Variants in ADAM28 observed in about 807,000 individuals in gnomAD.
ADAM28 encodes disintegrin and metalloproteinase domain-containing protein 28.
A neutral mutation model predicts 101.2 loss-of-function variants in ADAM28; 105 were observed. The ratio of observed to expected loss-of-function variants is 1.04; its 90% CI spans 0.89 to 1.22. ADAM28 has a LOEUF of 1.22. ADAM28 is among the 50% of genes most tolerant of loss of function. The pLI is 0.00. For synonymous variants in ADAM28, 322 were observed against 310.6 expected (o/e 1.04, Z -0.39); for missense variants, 1,028 against 945.4 (o/e 1.09, Z -1.15).
At chr8:24,332,981 T>C (rs1813553009) in intron 13 of ADAM28, among the ~76,000 whole-genome samples, 1 of 151,896 alleles carries the variant, frequency 6.6e-6, no homozygotes, top group Admixed American at 6.6e-5. Context: ...AAATGCAGAG[T>C]AGAAAATGAA....
chr8:24,307,946 A>G (rs1222595107), intron 2 of ADAM28, among the ~76,000 whole-genome samples: 1 of 151,926 alleles, frequency 6.6e-6, no homozygotes, highest in African/African-American at 2.4e-5. Flanking sequence ...AGAATTAAGA[A>G]CCTCTCTGTG....
Position 24,330,008 on chromosome 8 carries a change from A to G in ADAM28, c.996A>G (p.Arg332=). The change falls in exon 11 of 23, where the codon AGA becomes AGG. Residue 332 remains arginine, a synonymous_variant. Transcript: ENST00000265769. ...AGGACCACAGCGATAATCTTCTTAG[A>G]GTTGCAGGGACAATGGCACATGAAA... ...VVQDHSDNLL[R]VAGTMAHEMG... is the part of the protein sequence containing the mutation. 1 of 1,613,482 alleles carries G rather than the reference A, an allele frequency of 6.2e-7. No homozygotes were observed. Among genetic ancestry groups the G allele is most frequent in the Non-Finnish European group, 8.5e-7 (1 of 1,179,690 alleles).
At chr8:24,337,228 C>T (rs1359083653) in intron 14 of ADAM28, among the ~76,000 whole-genome samples, 1 of 152,242 alleles carries the variant, frequency 6.6e-6, no homozygotes. Flanking sequence ...CTTGCCTCCA[C>T]TTCGTGGATG....
At chr8:24,353,225 G>C (rs1816375907) in intron 21 of ADAM28, among the ~76,000 whole-genome samples, 1 of 152,076 alleles carries the variant, frequency 6.6e-6, no homozygotes, top group South Asian at 2.1e-4. Context: ...TTTATTAGGT[G>C]ATATTTTACT....
intron 6 of ADAM28, among the ~76,000 whole-genome samples, chr8:24,318,221 T>C (rs1485647836): frequency 2.0e-5 from 3 of 152,030 alleles, no homozygotes; most frequent in Non-Finnish European, 4.4e-5. Flanking sequence ...GGTTTGCTTG[T>C]ACAGGGCCTC....
chr8:24,326,524 T>C, intron 9 of ADAM28, 30 bp from the exon 10 acceptor site: 1 of 1,599,446 alleles, frequency 6.3e-7, no homozygotes, highest in Non-Finnish European at 8.6e-7. Flanking sequence ...GCATTATAAT[T>C]TGTTACATCA....
chr8:24,352,121 C>A lies in ADAM28; in HGVS notation c.2244+69C>A. 3.1e-6 allele frequency: 4 copies of A among 1,292,948 alleles called. No homozygotes were observed. The South Asian group carries it at 4.8e-5, about 16-fold the overall frequency. The allele number at this position is 1,292,948 out of a possible 1,614,324, so 80.1% of individuals were successfully genotyped here. A position where few individuals can be genotyped will look rare whatever the true frequency, so the allele number is the denominator to read the frequency against. ...CAGGAAATATCGGTGAAAGTCATAG[C>A]CCACAACACTTCATTATTTCTTCAG... On this transcript the variant is annotated intron_variant, in intron 21 of 22. Coordinates refer to ENST00000265769, the MANE Select transcript of ADAM28 (RefSeq NM_014265.6).
intron 10 of ADAM28, among the ~76,000 whole-genome samples, 189 bp downstream of exon 10, chr8:24,326,824 CTTTT>C (rs1812683779): frequency 6.6e-6 from 1 of 151,918 alleles, no homozygotes; most frequent in Non-Finnish European, 1.5e-5. Context: ...AATGCATTAT[CTTTT>C]TAATATATTG....
Position 24,358,453 on chromosome 8 carries a change from T to G in ADAM28, c.*4049T>G, listed in dbSNP as rs878960345. On this transcript the variant is annotated 3_prime_UTR_variant, in exon 23 of 23. Transcript: ENST00000265769. ...GCATATTCTTTTCTCCTCAATTTTT[T>G]TTCTCCAAAGTGGGCCAAGCCAAGA... is the stretch of plus-strand genomic sequence containing the variant. The G allele has an allele frequency of 6.6e-6, 1 of 152,224 alleles. No homozygotes were observed. The highest frequency in any genetic ancestry group is 2.4e-5 in the African/African-American group (1 of 41,458). 9.4% of individuals were successfully genotyped at this position (152,224 alleles called of 1,614,324 possible).
Position 24,331,246 on chromosome 8 carries a change from G to A in ADAM28, c.1200G>A (p.Leu400=). ...KLSNCLFNAP[L]PTDIISTPIC... The stretch of plus-strand genomic sequence containing the variant: ...CAAATTGCCTCTTTAATGCTCCATT[G>A]CCTACAGATATCATATCCACTCCAA... Residue 400 remains leucine, a synonymous_variant, in exon 12 of 23, where the codon TTG becomes TTA. Coordinates refer to ENST00000265769, the MANE Select transcript of ADAM28 (RefSeq NM_014265.6). 6.2e-7 allele frequency: 1 copy of A among 1,613,046 alleles called. No homozygotes were observed. The highest frequency in any genetic ancestry group is 8.5e-7 in the Non-Finnish European group (1 of 1,179,488).
At chr8:24,321,399 C>T in intron 8 of ADAM28, 110 bp downstream of exon 8, 1 of 901,960 alleles carries the variant, frequency 1.1e-6, no homozygotes, top group East Asian at 2.5e-5. Flanking sequence ...CATTTGAGAC[C>T]AATGTGGCTG....
At chr8:24,338,859 A>G (rs981365280) in intron 14 of ADAM28, among the ~76,000 whole-genome samples, 1 of 152,092 alleles carries the variant, frequency 6.6e-6, no homozygotes, top group Non-Finnish European at 1.5e-5. Flanking sequence ...AATGGCTAGT[A>G]TTTGTCAACC....
At position 24,357,069 on chromosome 8, in the gene ADAM28, T is replaced by C. The variant is rs1315952316; in HGVS notation, c.*2665T>C. ...AGCAGCCATTAAGAAAATGAGCCCC[T>C]GAGTTCAACGACCCTCAAATGAAGT... On this transcript the variant is annotated 3_prime_UTR_variant, in exon 23 of 23. Coordinates refer to ENST00000265769, the MANE Select transcript of ADAM28 (RefSeq NM_014265.6). The C allele has an allele frequency of 6.6e-6, 1 of 152,232 alleles. No homozygotes were observed. Among genetic ancestry groups the C allele is most frequent in the South Asian group, 2.1e-4 (1 of 4,822 alleles). The allele number at this position is 152,232 out of a possible 1,614,324, so 9.4% of individuals were successfully genotyped here.
At chr8:24,296,984 C>G (rs887806700) in intron 1 of ADAM28, among the ~76,000 whole-genome samples, 1 of 152,072 alleles carries the variant, frequency 6.6e-6, no homozygotes, top group Non-Finnish European at 1.5e-5. Flanking sequence ...ATTCCAGATC[C>G]CATTATTTCA....
chr8:24,321,067 G>A (rs1811806131), intron 7 of ADAM28, 151 bp from the exon 8 acceptor site: 1 of 562,404 alleles, frequency 1.8e-6, no homozygotes, highest in East Asian at 3.0e-5. Flanking sequence ...TAGATGAATA[G>A]GAATTAATTT....
chr8:24,339,346 C>A (rs1187507120), intron 14 of ADAM28, 120 bp from the exon 15 acceptor site: 3 of 719,982 alleles, frequency 4.2e-6, no homozygotes, highest in South Asian at 1.9e-5. Context: ...ATTTTTCTTG[C>A]TTGTTTTATA....
intron 14 of ADAM28, among the ~76,000 whole-genome samples, chr8:24,336,754 G>A (rs924370570): frequency 6.6e-6 from 1 of 151,578 alleles, no homozygotes; most frequent in Admixed American, 6.6e-5. Flanking sequence ...GGAGATGTTG[G>A]TCAGAGGATA....
chr8:24,349,271 T>C (rs1342418432), intron 18 of ADAM28, among the ~76,000 whole-genome samples: 1 of 152,188 alleles, frequency 6.6e-6, no homozygotes, highest in African/African-American at 2.4e-5. Context: ...AGAGTGAAGT[T>C]ATATTCATTA....
rs1483058884 is a variant in ADAM28 at position 24,326,632 on chromosome 8, T to TC, written c.970dup (p.Gln324ProfsTer6). ...GTTCTCCTTATTCTGTTGGCGTTGT[T>TC]CAGGTCTGTATGATGATAAACTGTT... On this transcript the variant is annotated frameshift_variant, in exon 10 of 23. Coordinates refer to ENST00000265769, the MANE Select transcript of ADAM28 (RefSeq NM_014265.6). LOFTEE classifies it high-confidence loss of function. The TC allele has an allele frequency of 6.2e-7, 1 of 1,611,488 alleles. No homozygotes were observed. The highest frequency in any genetic ancestry group is 1.1e-5 in the South Asian group (1 of 90,862).
Sources: gnomAD v4.1 joint callset for allele counts (sites outside exome capture counted in the v4.1 genomes callset) on GRCh38, gnomAD v4.1.1 for gene constraint, MANE v1.5 for transcripts, NCBI Gene and HGNC (gene_info 2026-07-23, HGNC 2026-07-21) for gene names.